The following SERTAD2 variants were observed in gnomAD, a reference collection of about 807,000 sequenced individuals.
SERTAD2 encodes SERTA domain-containing protein 2.
In SERTAD2, 2 loss-of-function variants were observed where a neutral mutation model predicts 15.4. The observed-to-expected ratio is 0.13, with a 90% confidence interval of 0.05 to 0.41. SERTAD2 has a LOEUF of 0.41. SERTAD2 is among the 10% of genes least tolerant of loss of function. SERTAD2 has a pLI of 0.99. For synonymous variants in SERTAD2, 180 were observed against 178.0 expected (o/e 1.01, Z -0.09); for missense variants, 333 against 409.7 (o/e 0.81, Z 1.62).
At position 64,633,368 on chromosome 2, in the gene SERTAD2, C is replaced by T. The variant is rs1674578923; in HGVS notation, c.*2559G>A. ...GAGTCAGAGAACCAAGTTTGGGCAA[C>T]ACTTCTCCGTGCTTATTTGAACTGT... On this transcript the variant is annotated 3_prime_UTR_variant, in exon 2 of 2. Coordinates refer to ENST00000313349, the MANE Select transcript of SERTAD2 (RefSeq NM_014755.3). The T allele has an allele frequency of 6.6e-6, 1 of 152,170 alleles. No homozygotes were observed. The highest frequency in any genetic ancestry group is 2.4e-5 in the African/African-American group (1 of 41,444). The allele number at this position is 152,170 out of a possible 1,614,324, so 9.4% of individuals were successfully genotyped here. A position where few individuals can be genotyped will look rare whatever the true frequency, so the allele number is the denominator to read the frequency against.
Position 64,653,780 on chromosome 2 carries a change from C to T in SERTAD2, c.-165G>A, listed in dbSNP as rs1302747367. 1 of 152,246 alleles carries T rather than the reference C, an allele frequency of 6.6e-6. No homozygotes were observed. Among genetic ancestry groups the T allele is most frequent in the African/African-American group, 2.4e-5 (1 of 41,466 alleles). The allele number at this position is 152,246 out of a possible 1,614,324, so 9.4% of individuals were successfully genotyped here. ...AAGCTAAGACTCCGCCGTTCTCTGC[C>T]TGCGCGCCCCGAGCATTATACAATG... On this transcript the variant is annotated 5_prime_UTR_variant, in exon 1 of 2. Transcript: ENST00000313349.
At chr2:64,639,096 CAT>C (rs747234945) in intron 1 of SERTAD2, among the ~76,000 whole-genome samples, 2 of 152,214 alleles carry the variant, frequency 1.3e-5, no homozygotes, top group Non-Finnish European at 2.9e-5. Context: ...ATTTAATTCT[CAT>C]ATAAAGTTCT....
chr2:64,640,776 T>C (rs1216594720), intron 1 of SERTAD2, among the ~76,000 whole-genome samples: 1 of 152,066 alleles, frequency 6.6e-6, no homozygotes, highest in East Asian at 1.9e-4. Context: ...ACCCATGTCT[T>C]CTACCCAATT....
In SERTAD2 at chr2:64,636,490, C is replaced by A. The variant is rs780791063; in HGVS notation, c.382G>T (p.Ala128Ser). ...AGCAGTGAGGCCGGGGTGAGGCAGG[C>A]CTCCAGGGGCGTAGTGCTTCCGAGG... Reference protein sequence around the residue: ...CDLGSTTPLEACLTPASLLED... With the variant: ...CDLGSTTPLESCLTPASLLED... The change falls in exon 2 of 2, where the codon GCC becomes TCC. Residue 128 changes from alanine to serine, a missense_variant. Transcript: ENST00000313349. The A allele has an allele frequency of 4.3e-6, 7 of 1,612,750 alleles. No individual in the cohort carries two copies. The highest frequency in any genetic ancestry group is 5.9e-6 in the Non-Finnish European group (7 of 1,179,190).
chr2:64,638,159 C>T (rs1190136085), intron 1 of SERTAD2, among the ~76,000 whole-genome samples: 5 of 152,220 alleles, frequency 3.3e-5, no homozygotes, highest in African/African-American at 1.2e-4. Flanking sequence ...CTCAGTGTGA[C>T]TCACTCTCAT....
In SERTAD2 at chr2:64,638,551, C is replaced by G. The variant is rs1674708558; in HGVS notation, c.-4-1676G>C. 2.0e-5 allele frequency among the ~76,000 whole-genome samples: 3 copies of G among 152,222 alleles called. No homozygotes were observed. The South Asian group carries it at 6.2e-4, about 32-fold the overall frequency. Reference sequence around the variant, plus strand: ...CTGCCACTTGGGGTAACCGTCTTACCTCATGTCTCATGAGGTCTCCAGAAG... The same window carrying G: ...CTGCCACTTGGGGTAACCGTCTTACGTCATGTCTCATGAGGTCTCCAGAAG... On this transcript the variant is annotated intron_variant, in intron 1 of 1. Coordinates refer to ENST00000313349, the MANE Select transcript of SERTAD2 (RefSeq NM_014755.3).
chr2:64,636,891 A>G lies in SERTAD2; in HGVS notation c.-4-16T>C. ...CAACATATATCTGCAGAGGGGAGAG[A>G]GAGGAAATGGCATTAATCACATGAA... On this transcript the variant is annotated splice_polypyrimidine_tract_variant and intron_variant, in intron 1 of 1. Transcript: ENST00000313349. The G allele has an allele frequency of 6.5e-7, 1 of 1,542,270 alleles. No individual in the cohort carries two copies. Among genetic ancestry groups the G allele is most frequent in the East Asian group, 2.3e-5 (1 of 44,326 alleles).
chr2:64,636,333 C>T lies in SERTAD2; in HGVS notation c.539G>A (p.Cys180Tyr). 6.2e-7 allele frequency: 1 copy of T among 1,614,190 alleles called. No individual in the cohort carries two copies. Among genetic ancestry groups the T allele is most frequent in the South Asian group, 1.1e-5 (1 of 91,078 alleles). ...CGCCTCTGTGGAGGTAGATGTGGGA[C>T]AGAGCTCCTCGATCTCGTCCAAGGC... ...SSALDEIEELCPTSTSTEAAT... is the reference protein window; with the variant it reads ...SSALDEIEELYPTSTSTEAAT... The change falls in exon 2 of 2, where the codon TGT (cysteine) becomes TAT (tyrosine). Residue 180 changes from cysteine (C) to tyrosine (Y), a missense_variant. By Grantham distance (194) the Cys-to-Tyr change is radical (BLOSUM62 -2). Around this residue, in one of 2 missense-constraint regions of SERTAD2, gnomAD observed 332 missense variants for 392.9 expected, o/e 0.84. Coordinates refer to ENST00000313349, the MANE Select transcript of SERTAD2 (RefSeq NM_014755.3).
Position 64,636,529 on chromosome 2 carries a change from A to T in SERTAD2, c.343T>A (p.Ser115Thr), listed in dbSNP as rs1674663518. The change falls in exon 2 of 2, where the codon TCC becomes ACC. Residue 115 changes from serine (S) to threonine (T), a missense_variant. Ser to Thr is a moderately conservative substitution (Grantham distance 58, BLOSUM62 1). This residue lies in a region of SERTAD2 where 332 missense variants were observed against 392.9 expected (regional missense o/e 0.84). Coordinates refer to ENST00000313349, the MANE Select transcript of SERTAD2 (RefSeq NM_014755.3). ...GTGCTTCCGAGGTCGCAGGGGTGGG[A>T]GGACGGGGACGCCAGGTGGCTGAAG... ...PAFSHLASPS[S>T]HPCDLGSTTP... The T allele has an allele frequency of 1.1e-5, 18 of 1,596,400 alleles. No individual in the cohort carries two copies. Among genetic ancestry groups the T allele is most frequent in the Non-Finnish European group, 1.5e-5 (17 of 1,170,308 alleles).
In SERTAD2 at chr2:64,635,205, A is replaced by C. The variant is rs1379839469; in HGVS notation, c.*722T>G. 1.3e-5 allele frequency: 2 copies of C among 152,686 alleles called. No homozygotes were observed. The highest frequency in any genetic ancestry group is 2.4e-5 in the African/African-American group (1 of 41,460). The allele number at this position is 152,686 out of a possible 1,614,324, so 9.5% of individuals were successfully genotyped here. A position where few individuals can be genotyped will look rare whatever the true frequency, so the allele number is the denominator to read the frequency against. Reference sequence around the variant, plus strand: ...TTGATTTGATCCAATTTTCTCTTGCACCATACACATATAAAACATTACAAC... The same window carrying C: ...TTGATTTGATCCAATTTTCTCTTGCCCCATACACATATAAAACATTACAAC... On this transcript the variant is annotated 3_prime_UTR_variant, in exon 2 of 2. Transcript: ENST00000313349.
At chr2:64,645,392 G>T (rs201868894) in intron 1 of SERTAD2, among the ~76,000 whole-genome samples, 1 of 149,676 alleles carries the variant, frequency 6.7e-6, no homozygotes, top group Non-Finnish European at 1.5e-5. Flanking sequence ...AGAAGAAGAA[G>T]AAAAAAAAAG....
At position 64,631,886 on chromosome 2, in the gene SERTAD2, A is replaced by C. The variant is rs548925049; in HGVS notation, c.*4041T>G. On this transcript the variant is annotated 3_prime_UTR_variant, in exon 2 of 2. Coordinates refer to ENST00000313349, the MANE Select transcript of SERTAD2 (RefSeq NM_014755.3). ...ATGTCACTATGTACATCTTTTTTCA[A>C]AATCTCGGTCATGCGCACATATGGC... 2 of 152,734 alleles carry C rather than the reference A, an allele frequency of 1.3e-5. No individual in the cohort carries two copies. Among genetic ancestry groups the C allele is most frequent in the Admixed American group, 1.3e-4 (2 of 15,298 alleles). The allele number at this position is 152,734 out of a possible 1,614,324, so 9.5% of individuals were successfully genotyped here. A position where few individuals can be genotyped will look rare whatever the true frequency, so the allele number is the denominator to read the frequency against.
Position 64,636,088 on chromosome 2 carries a change from T to C in SERTAD2, c.784A>G (p.Thr262Ala), listed in dbSNP as rs770847812. 5.6e-6 allele frequency: 9 copies of C among 1,614,080 alleles called. No individual in the cohort carries two copies. Among genetic ancestry groups the C allele is most frequent in the Non-Finnish European group, 7.6e-6 (9 of 1,180,012 alleles). Residue 262 changes from threonine to alanine, a missense_variant, in exon 2 of 2, where the codon ACT (threonine) becomes GCT (alanine). By Grantham distance (58) the Thr-to-Ala change is moderately conservative. Transcript: ENST00000313349. ...DTSMYDFDPC[T>A]SSSGTASKMA... is the part of the protein sequence containing the mutation. ...TTTGAGGCTGTCCCTGATGAGGAAG[T>C]GCAGGGGTCAAAATCATACATGGAC...
chr2:64,636,047 A>C lies in SERTAD2; in HGVS notation c.825T>G (p.Ser275=). 2 of 1,614,186 alleles carry C rather than the reference A, an allele frequency of 1.2e-6. No homozygotes were observed. Among genetic ancestry groups the C allele is most frequent in the Admixed American group, 1.7e-5 (1 of 60,022 alleles). The change falls in exon 2 of 2, where the codon TCT becomes TCG. Residue 275 remains serine, a synonymous_variant. Transcript: ENST00000313349. ...SGTASKMAPV[S]ADDLLKTLAP... ...CCAGAGTTTTGAGGAGGTCGTCGGCAGACACAGGGGCCATTTTTGAGGCTG... is the reference window on the plus strand; with the variant it reads ...CCAGAGTTTTGAGGAGGTCGTCGGCCGACACAGGGGCCATTTTTGAGGCTG...
chr2:64,633,890 TATC>T lies in SERTAD2; in HGVS notation c.*2034_*2036del, dbSNP rs1674592195. 6.6e-6 allele frequency: 1 copy of T among 152,496 alleles called. No homozygotes were observed. Among genetic ancestry groups the T allele is most frequent in the Non-Finnish European group, 1.5e-5 (1 of 68,000 alleles). 9.4% of individuals were successfully genotyped at this position (152,496 alleles called of 1,614,324 possible). On this transcript the variant is annotated 3_prime_UTR_variant, in exon 2 of 2. Transcript: ENST00000313349. ...AGTAAATTAGAATGTAGAAAGCCTT[TATC>T]ATATCATACTCAAATCTTTTGCTTA...
Position 64,635,868 on chromosome 2 carries a change from G to A in SERTAD2, c.*59C>T, listed in dbSNP as rs1222877612. On this transcript the variant is annotated 3_prime_UTR_variant, in exon 2 of 2. Coordinates refer to ENST00000313349, the MANE Select transcript of SERTAD2 (RefSeq NM_014755.3). ...GGGTGCATGCACAGTGTGGAGAACT[G>A]TCAGGGTTATGGGAACGCTCTGGGG... The A allele has an allele frequency of 7.5e-7, 1 of 1,341,698 alleles. No homozygotes were observed. Among genetic ancestry groups the A allele is most frequent in the Non-Finnish European group, 1.1e-6 (1 of 951,554 alleles). The allele number at this position is 1,341,698 out of a possible 1,614,324, so 83.1% of individuals were successfully genotyped here.
At chr2:64,642,404 A>G (rs1674795136) in intron 1 of SERTAD2, among the ~76,000 whole-genome samples, 1 of 152,180 alleles carries the variant, frequency 6.6e-6, no homozygotes, top group Non-Finnish European at 1.5e-5. Flanking sequence ...TACATTTTGC[A>G]TTTTGGAAAA....
intron 1 of SERTAD2, among the ~76,000 whole-genome samples, chr2:64,643,147 C>T (rs757374069): frequency 6.6e-6 from 1 of 152,156 alleles, no homozygotes; most frequent in Non-Finnish European, 1.5e-5. Flanking sequence ...CGGGGACAGA[C>T]GGGGAACTCA....
At chr2:64,638,670 T>C (rs11688492) in intron 1 of SERTAD2, among the ~76,000 whole-genome samples, 61,933 of 150,836 alleles carry the variant, frequency 0.41, 13,009 homozygotes, top group Admixed American at 0.48. Flanking sequence ...CATGAAACAT[T>C]TCCCCTCATT....
Sources: allele counts gnomAD v4.1 joint callset (sites outside exome capture counted in the v4.1 genomes callset), GRCh38; gene constraint gnomAD v4.1.1; regional missense constraint gnomAD v4.1.1; transcripts MANE v1.5; gene names NCBI Gene and HGNC (gene_info 2026-07-23, HGNC 2026-07-21).